The following PTCD2 variants were observed in gnomAD, a reference collection of about 807,000 sequenced individuals.
PTCD2 encodes the protein pentatricopeptide repeat-containing protein 2, mitochondrial.
A neutral mutation model predicts 42.6 loss-of-function variants in PTCD2; 31 were observed. The observed-to-expected ratio is 0.73, with a 90% confidence interval of 0.55 to 0.98. The LOEUF (loss-of-function observed/expected upper bound fraction) is 0.98, where lower values mean the gene tolerates loss of function less well. Among genes scored for constraint, PTCD2 ranks in the 50% least tolerant of loss-of-function variants. The pLI is 0.00. For missense variants in PTCD2, 476 were observed against 454.8 expected (o/e 1.05, Z -0.42); for synonymous variants, 183 against 170.9 (o/e 1.07, Z -0.55).
chr5:72,329,244 C>T lies in PTCD2; in HGVS notation c.351-2014C>T, dbSNP rs1473537298. Among the ~76,000 whole-genome samples the T allele has an allele frequency of 4.6e-5, 7 of 152,146 alleles. No homozygotes were observed. In the East Asian group the frequency reaches 5.8e-4, roughly 13 times the overall value. ...TTTTCCCTCTCTACTTGTAGACAGCCGGACAAGTGGAAAGATGGGTAGATC... is the reference window on the plus strand; with the variant it reads ...TTTTCCCTCTCTACTTGTAGACAGCTGGACAAGTGGAAAGATGGGTAGATC... On this transcript the variant is annotated intron_variant, in intron 3 of 9. Transcript: ENST00000380639.
At chr5:72,346,451 G>T (rs571339295) in intron 8 of PTCD2, among the ~76,000 whole-genome samples, 1 of 152,190 alleles carries the variant, frequency 6.6e-6, no homozygotes, top group Non-Finnish European at 1.5e-5. Flanking sequence ...CCAAGCGGCT[G>T]AGAGCCCTCC....
intron 8 of PTCD2, among the ~76,000 whole-genome samples, chr5:72,347,673 C>T (rs747097866): frequency 7.9e-5 from 12 of 151,850 alleles, no homozygotes; most frequent in Non-Finnish European, 1.3e-4. Flanking sequence ...GGCAACAGAG[C>T]GAGACTCTGC....
chr5:72,335,596 G>A (rs1751695947), intron 5 of PTCD2, 198 bp from the exon 6 acceptor site: 1 of 450,436 alleles, frequency 2.2e-6, no homozygotes, highest in South Asian at 5.1e-5. Context: ...AAATTGTGAA[G>A]CAGCTTTTAA....
chr5:72,352,593 G>A, intron 8 of PTCD2, 48 bp from the exon 9 acceptor site: 2 of 895,142 alleles, frequency 2.2e-6, no homozygotes, highest in Non-Finnish European at 3.7e-6. Context: ...TCTCAGCATT[G>A]AGACACTCAC....
At chr5:72,334,240 G>A (rs908205859) in intron 4 of PTCD2, among the ~76,000 whole-genome samples, 4 of 152,144 alleles carry the variant, frequency 2.6e-5, no homozygotes, top group African/African-American at 4.8e-5. Context: ...GAGAACCACT[G>A]TTTTGGAGAA....
At chr5:72,343,212 G>A (rs755217186) in intron 8 of PTCD2, among the ~76,000 whole-genome samples, 176 bp downstream of exon 8, 9 of 152,124 alleles carry the variant, frequency 5.9e-5, no homozygotes, top group Non-Finnish European at 8.8e-5. Context: ...TATCACCCTT[G>A]TAAGAAGAGT....
chr5:72,343,233 G>C (rs572904640), intron 8 of PTCD2, among the ~76,000 whole-genome samples, 197 bp downstream of exon 8: 1 of 152,188 alleles, frequency 6.6e-6, no homozygotes, highest in Non-Finnish European at 1.5e-5. Context: ...CAACACAGCT[G>C]TCGCTTCCAG....
chr5:72,352,552 A>G (rs775294878), intron 8 of PTCD2, 89 bp from the exon 9 acceptor site: 1 of 634,852 alleles, frequency 1.6e-6, no homozygotes, highest in Non-Finnish European at 2.8e-6. Flanking sequence ...GTAGGTGCCT[A>G]TAAATGAAGG....
chr5:72,328,667 G>T lies in PTCD2; in HGVS notation c.350+1926G>T, dbSNP rs544614226. On this transcript the variant is annotated intron_variant, in intron 3 of 9. Transcript: ENST00000380639. ...AGATTTCATTGTTTTGGTAGATTTT[G>T]CTTTACATTGTTATAGTTATTGCTG... is the stretch of plus-strand genomic sequence containing the variant. 2.6e-5 allele frequency among the ~76,000 whole-genome samples: 4 copies of T among 151,404 alleles called. 1 individual carries two copies. In the South Asian group the frequency reaches 6.3e-4, roughly 24 times the overall value.
chr5:72,326,682 C>G lies in PTCD2; in HGVS notation c.291C>G (p.Thr97=). Residue 97 remains threonine (T), a synonymous_variant, in exon 3 of 10, where the codon ACC becomes ACG. Coordinates refer to ENST00000380639, the MANE Select transcript of PTCD2 (RefSeq NM_024754.5). ...TCATCTTGAAGGGGGAGTTGATAAC[C>G]TTACTACATTTGTGTGAGTCTCGGG... The part of the protein sequence containing the change: ...NKLILKGELI[T]LLHLCESRDH... 1 of 1,614,092 alleles carries G rather than the reference C, an allele frequency of 6.2e-7. No individual in the cohort carries two copies. The highest frequency in any genetic ancestry group is 1.1e-5 in the South Asian group (1 of 91,078).
chr5:72,324,002 C>T (rs1034761834), intron 2 of PTCD2, among the ~76,000 whole-genome samples: 3 of 152,056 alleles, frequency 2.0e-5, no homozygotes, highest in South Asian at 2.1e-4. Flanking sequence ...CTCGCTGCTC[C>T]GCTAATCATA....
rs1303870058 is a variant in PTCD2 at position 72,360,564 on chromosome 5, A to C, written c.*2137A>C. 2.0e-5 allele frequency: 3 copies of C among 152,192 alleles called. No individual in the cohort carries two copies. The highest frequency in any genetic ancestry group is 4.4e-5 in the Non-Finnish European group (3 of 68,040). 9.4% of individuals were successfully genotyped at this position (152,192 alleles called of 1,614,324 possible). On this transcript the variant is annotated 3_prime_UTR_variant, in exon 10 of 10. Coordinates refer to ENST00000380639, the MANE Select transcript of PTCD2 (RefSeq NM_024754.5). ...TAAAGTCTTAAAAGTCCAATAAAAC[A>C]GTGTTCAGTATAGGTTATGATAGGC... is the stretch of plus-strand genomic sequence containing the variant.
Position 72,335,102 on chromosome 5 carries a change from T to C in PTCD2, c.547+6T>C. 2 of 1,455,920 alleles carry C rather than the reference T, an allele frequency of 1.4e-6. No homozygotes were observed. Among genetic ancestry groups the C allele is most frequent in the Non-Finnish European group, 1.9e-6 (2 of 1,038,868 alleles). 90.2% of individuals were successfully genotyped at this position (1,455,920 alleles called of 1,614,324 possible). A position where few individuals can be genotyped will look rare whatever the true frequency, so the allele number is the denominator to read the frequency against. On this transcript the variant is annotated splice_donor_region_variant and intron_variant, in intron 5 of 9. Coordinates refer to ENST00000380639, the MANE Select transcript of PTCD2 (RefSeq NM_024754.5). ...TATCAAAGGCAAATATAAAAGTAAG[T>C]ACTGCAATTTCTATTTGCTGAAAAA... is the stretch of plus-strand genomic sequence containing the variant.
intron 4 of PTCD2, among the ~76,000 whole-genome samples, chr5:72,334,323 C>T (rs1751609557): frequency 1.3e-5 from 2 of 152,230 alleles, no homozygotes; most frequent in African/African-American, 4.8e-5. Flanking sequence ...GTGAGACCCT[C>T]CTGCCTTAGT....
chr5:72,352,527 T>C, intron 8 of PTCD2, 114 bp from the exon 9 acceptor site: 1 of 529,788 alleles, frequency 1.9e-6, no homozygotes, highest in Non-Finnish European at 3.4e-6. Flanking sequence ...AATTAGGAAG[T>C]AGGATCAAAG....
chr5:72,350,106 G>C (rs1014756848), intron 8 of PTCD2, among the ~76,000 whole-genome samples: 9 of 152,130 alleles, frequency 5.9e-5, no homozygotes, highest in African/African-American at 2.2e-4. Context: ...GCACTGCATT[G>C]AACAAGGTAG....
intron 2 of PTCD2, among the ~76,000 whole-genome samples, chr5:72,325,296 G>A (rs1353399259): frequency 2.6e-5 from 4 of 152,190 alleles, no homozygotes; most frequent in Non-Finnish European, 5.9e-5. Context: ...AGACTTTTTA[G>A]ACTGGAAGTT....
intron 8 of PTCD2, among the ~76,000 whole-genome samples, chr5:72,343,957 T>C (rs911998227): frequency 3.9e-5 from 6 of 152,036 alleles, no homozygotes; most frequent in Non-Finnish European, 8.8e-5. Flanking sequence ...AGGGTTGAGA[T>C]GAAGAAAACA....
Position 72,327,633 on chromosome 5 carries a change from C to T in PTCD2, c.350+892C>T, listed in dbSNP as rs923738629. ...GGTTACAGGTGCCTGCCACCACACC[C>T]GGCTAATTTTTGTATTTTTAGTAGA... On this transcript the variant is annotated intron_variant, in intron 3 of 9. Coordinates refer to ENST00000380639, the MANE Select transcript of PTCD2 (RefSeq NM_024754.5). Among the ~76,000 whole-genome samples the T allele has an allele frequency of 9.9e-5, 15 of 152,058 alleles. 1 individual carries two copies. Among genetic ancestry groups the T allele is most frequent in the East Asian group, 3.9e-4 (2 of 5,164 alleles).
Sources: allele counts gnomAD v4.1 joint callset (sites outside exome capture counted in the v4.1 genomes callset), GRCh38; gene constraint gnomAD v4.1.1; transcripts MANE v1.5; gene names NCBI Gene and HGNC (gene_info 2026-07-23, HGNC 2026-07-21).